Variants in LTBP2 observed in about 807,000 individuals in gnomAD.
The protein encoded by LTBP2 is latent-transforming growth factor beta-binding protein 2.
A neutral mutation model predicts 210.6 loss-of-function variants in LTBP2; 103 were observed. That is an observed-to-expected ratio of 0.49 (90% CI 0.42 to 0.58). The LOEUF is 0.58. Among genes scored for constraint, LTBP2 ranks in the 20% least tolerant of loss-of-function variants. LTBP2 has a pLI of 0.00. For missense variants in LTBP2, 2,313 were observed against 2,494.5 expected (o/e 0.93, Z 1.55); for synonymous variants, 1,007 against 1,015.0 (o/e 0.99, Z 0.15).
Position 74,536,005 on chromosome 14 carries a change from A to G in LTBP2, c.1790-5T>C. ...CATTCTCAATCACCGGGGAGGCTGA[A>G]GAGTGGAGATACGGACAGGTCTCAC... On this transcript the variant is annotated splice_polypyrimidine_tract_variant and splice_region_variant and intron_variant, in intron 8 of 35. Transcript: ENST00000261978. The G allele has an allele frequency of 6.2e-7, 1 of 1,613,826 alleles. No homozygotes were observed. The highest frequency in any genetic ancestry group is 8.5e-7 in the Non-Finnish European group (1 of 1,179,712).
intron 3 of LTBP2, among the ~76,000 whole-genome samples, chr14:74,581,654 A>ATCC (rs2088138252): frequency 6.6e-6 from 1 of 152,168 alleles, no homozygotes; most frequent in East Asian, 1.9e-4. Flanking sequence ...TGAATGAGCG[A>ATCC]GGAAACCGAG....
chr14:74,575,087 C>G (rs2088039686), intron 3 of LTBP2, among the ~76,000 whole-genome samples: 1 of 152,240 alleles, frequency 6.6e-6, no homozygotes, highest in East Asian at 1.9e-4. Context: ...CCCCACCTTC[C>G]TCACAACCTC....
At chr14:74,536,079 G>T in intron 8 of LTBP2, 79 bp from the exon 9 acceptor site, 1 of 1,233,738 alleles carries the variant, frequency 8.1e-7, no homozygotes, top group Non-Finnish European at 1.2e-6. Context: ...AGCGGGTGCA[G>T]TCTGGATGTC....
intron 6 of LTBP2, 47 bp from the exon 7 acceptor site, chr14:74,551,397 C>T (rs2087655367): frequency 1.3e-6 from 2 of 1,496,906 alleles, no homozygotes; most frequent in Non-Finnish European, 1.8e-6. Context: ...GGGCCCCACC[C>T]TCATTTCCAA....
rs862029 is a variant in LTBP2, at chr14:74,527,498, G to A, written c.2369-132C>T. On this transcript the variant is annotated intron_variant, in intron 12 of 35. Transcript: ENST00000261978. ...CAGCAGGGCCAGCAGCACAGAAAGC[G>A]TGGACTCTTCTTACCTGCCTCTGCC... is the stretch of plus-strand genomic sequence containing the variant. 32,970 of 981,142 alleles carry A rather than the reference G, an allele frequency of 0.034. 1,355 individuals are homozygous for A. The highest frequency in any genetic ancestry group is 0.15 in the East Asian group (5,612 of 38,100). The allele number at this position is 981,142 out of a possible 1,614,324, so 60.8% of individuals were successfully genotyped here.
chr14:74,529,263 C>T (rs1381348723), intron 10 of LTBP2, 141 bp from the exon 11 acceptor site: 4 of 984,266 alleles, frequency 4.1e-6, no homozygotes, highest in Non-Finnish European at 6.3e-6. Context: ...AAGTTTGGAG[C>T]CCTGCAAATG....
In LTBP2 at chr14:74,585,898, C is replaced by A; in HGVS notation, c.786G>T (p.Pro262=). 1.2e-6 allele frequency: 2 copies of A among 1,613,940 alleles called. No individual in the cohort carries two copies. Among genetic ancestry groups the A allele is most frequent in the South Asian group, 1.1e-5 (1 of 91,076 alleles). The change falls in exon 3 of 36, where the codon CCG becomes CCT. Residue 262 remains proline, a synonymous_variant. Coordinates refer to ENST00000261978, the MANE Select transcript of LTBP2 (RefSeq NM_000428.3). ...AGEGTLARAQ[P]PAPQSPPAPQ... ...GTGCGGGCGGCGACTGTGGTGCTGG[C>A]GGCTGTGCTCTGGCCAAGGTGCCCT...
chr14:74,518,616 C>T (rs1038726723), intron 17 of LTBP2, among the ~76,000 whole-genome samples: 4 of 152,184 alleles, frequency 2.6e-5, no homozygotes, highest in African/African-American at 9.7e-5. Context: ...TCTCCAGTGC[C>T]CAGCACAGAA....
intron 2 of LTBP2, among the ~76,000 whole-genome samples, chr14:74,596,300 C>T (rs542532273): frequency 1.1e-3 from 171 of 151,896 alleles, no homozygotes; most frequent in African/African-American, 3.9e-3. Context: ...GAACTTGGTA[C>T]GTGAGGGATG....
chr14:74,572,188 G>C (rs1436459340), intron 3 of LTBP2, among the ~76,000 whole-genome samples: 1 of 152,174 alleles, frequency 6.6e-6, no homozygotes, highest in Non-Finnish European at 1.5e-5. Context: ...GTCATCAGAT[G>C]ACTTTGCAGT....
rs2087002945 is a variant in LTBP2 at position 74,507,194 on chromosome 14, T to C, written c.3892A>G (p.Asn1298Asp). 2 of 1,614,056 alleles carry C rather than the reference T, an allele frequency of 1.2e-6. No homozygotes were observed. Among genetic ancestry groups the C allele is most frequent in the African/African-American group, 1.3e-5 (1 of 74,940 alleles). The stretch of plus-strand genomic sequence containing the variant: ...CCCTACTCACCAATGCAGTCTCCGT[T>C]CGGGGCCATGTGGAAGCCAGGCTGG... ...GCQPGFHMAP[N>D]GDCIDIDECA... Residue 1298 changes from asparagine to aspartate, a missense_variant, in exon 26 of 36, where the codon AAC becomes GAC. This residue lies in a region of LTBP2 where 1,867 missense variants were observed against 1,976.9 expected (regional missense o/e 0.94). Coordinates refer to ENST00000261978, the MANE Select transcript of LTBP2 (RefSeq NM_000428.3).
At chr14:74,538,868 G>T (rs967665026) in intron 8 of LTBP2, among the ~76,000 whole-genome samples, 1 of 152,248 alleles carries the variant, frequency 6.6e-6, no homozygotes, top group African/African-American at 2.4e-5. Context: ...TTCTGAAAAC[G>T]CTGAGAAGGA....
At chr14:74,604,164 C>CAAAAAAAAAAAAAAAAAAAAAAAAAAAAA (rs59313477) in intron 1 of LTBP2, among the ~76,000 whole-genome samples, 15 of 72,728 alleles carry the variant, frequency 2.1e-4, no homozygotes, top group African/African-American at 1.0e-3. Context: ...TGCCTCTCAC[C>CAAAAAAAAAAAAAAAAAAAAAAAAAAAAA]AAAAAAAAAA....
At chr14:74,546,935 C>G (rs1240263108) in intron 8 of LTBP2, among the ~76,000 whole-genome samples, 1 of 152,264 alleles carries the variant, frequency 6.6e-6, no homozygotes, top group Admixed American at 6.5e-5. Flanking sequence ...AGGGCTCCCC[C>G]ACTCTCAGAA....
chr14:74,576,988 C>T (rs184321839), intron 3 of LTBP2, among the ~76,000 whole-genome samples: 3 of 152,098 alleles, frequency 2.0e-5, no homozygotes, highest in Non-Finnish European at 2.9e-5. Flanking sequence ...CAGAAAGGGA[C>T]ATTAATGCTT....
chr14:74,503,471 G>A lies in LTBP2; in HGVS notation c.4718C>T (p.Thr1573Met), dbSNP rs931485297. The A allele has an allele frequency of 1.6e-5, 26 of 1,610,740 alleles. No homozygotes were observed. Among genetic ancestry groups the A allele is most frequent in the African/African-American group, 1.5e-4 (11 of 74,878 alleles). ...QQRCMNSTSS[T>M]EDLPDHDIHM... ...CCCCCACGCTCAGGCCCACTCACCC[G>A]TGCTGCTGGTGCTGTTCATGCAGCG... Residue 1573 changes from threonine to methionine, a missense_variant and splice_region_variant, in exon 32 of 36, where the codon ACG becomes ATG. Thr to Met is a moderately conservative substitution (Grantham distance 81, BLOSUM62 -1). Around this residue, in one of 3 missense-constraint regions of LTBP2, gnomAD observed 443 missense variants for 501.4 expected, o/e 0.88. Transcript: ENST00000261978.
chr14:74,562,300 G>A (rs1400324154), intron 3 of LTBP2, among the ~76,000 whole-genome samples: 1 of 152,080 alleles, frequency 6.6e-6, no homozygotes, highest in Non-Finnish European at 1.5e-5. Context: ...AGAAGAATAA[G>A]CACCATTTGG....
chr14:74,569,808 A>C (rs932186380), intron 3 of LTBP2, among the ~76,000 whole-genome samples: 1 of 152,090 alleles, frequency 6.6e-6, no homozygotes, highest in Non-Finnish European at 1.5e-5. Context: ...CTGCCCCACT[A>C]TGACCTATGA....
chr14:74,566,995 G>C (rs372702867), intron 3 of LTBP2, among the ~76,000 whole-genome samples: 5 of 152,196 alleles, frequency 3.3e-5, no homozygotes, highest in Non-Finnish European at 7.4e-5. Context: ...GCTGTGGGTG[G>C]GGAGGAGGTA....
Sources: allele counts gnomAD v4.1 joint callset (sites outside exome capture counted in the v4.1 genomes callset), GRCh38; gene constraint gnomAD v4.1.1; regional missense constraint gnomAD v4.1.1; transcripts MANE v1.5; gene names NCBI Gene and HGNC (gene_info 2026-07-23, HGNC 2026-07-21).